NRXN3: variants seen among roughly 807,000 people sequenced by gnomAD.
NRXN3 encodes neurexin 3, also known as neurexin III.
NRXN3 carries 32 observed loss-of-function variants against 137.6 expected under a neutral mutation model. That is an observed-to-expected ratio of 0.23 (90% CI 0.18 to 0.31). The LOEUF is 0.31. Among genes scored for constraint, NRXN3 ranks in the 10% least tolerant of loss-of-function variants. The pLI is 1.00. For synonymous variants in NRXN3, 798 were observed against 784.5 expected, an observed-to-expected ratio of 1.02 and a Z score of -0.29; for missense variants, 1,574 against 2,062.5, an observed-to-expected ratio of 0.76 and a Z score of 4.59.
intron 15 of NRXN3, among the ~76,000 whole-genome samples, chr14:79,177,987 C>CA (rs1450910693): frequency 6.6e-6 from 1 of 151,938 alleles, no homozygotes; most frequent in Non-Finnish European, 1.5e-5. Context: ...ACTTTTTGAC[C>CA]AAAAAAATGG....
chr14:78,241,255 C>A (rs1429272314), intron 1 of NRXN3, among the ~76,000 whole-genome samples: 1 of 152,162 alleles, frequency 6.6e-6, no homozygotes, highest in Non-Finnish European at 1.5e-5. Context: ...CACAGACATA[C>A]ACAAATAACC....
At chr14:79,030,732 T>C (rs943786942) in intron 15 of NRXN3, among the ~76,000 whole-genome samples, 1 of 150,714 alleles carries the variant, frequency 6.6e-6, no homozygotes, top group African/African-American at 2.4e-5. Flanking sequence ...TCTGTCTTCC[T>C]GATTTCATTT....
At chr14:78,320,727 G>A (rs1041874127) in intron 4 of NRXN3, among the ~76,000 whole-genome samples, 1 of 152,198 alleles carries the variant, frequency 6.6e-6, no homozygotes, top group Non-Finnish European at 1.5e-5. Flanking sequence ...CTCAAGGAAT[G>A]TGTATCTGCA....
At chr14:79,124,673 G>A (rs996591806) in intron 15 of NRXN3, among the ~76,000 whole-genome samples, 1 of 152,166 alleles carries the variant, frequency 6.6e-6, no homozygotes, top group African/African-American at 2.4e-5. Flanking sequence ...GGGACTCTTA[G>A]GGGATGTATG....
intron 4 of NRXN3, among the ~76,000 whole-genome samples, chr14:78,498,900 G>A (rs573539151): frequency 2.0e-5 from 3 of 151,934 alleles, no homozygotes; most frequent in Admixed American, 6.6e-5. Context: ...AGTTGGGACT[G>A]CAGGCATGAA....
chr14:79,734,596 A>G (rs2098935527), intron 19 of NRXN3, among the ~76,000 whole-genome samples: 1 of 152,216 alleles, frequency 6.6e-6, no homozygotes, highest in Non-Finnish European at 1.5e-5. Flanking sequence ...AGTAGCAAAT[A>G]CAAGAAACAA....
intron 15 of NRXN3, among the ~76,000 whole-genome samples, chr14:79,252,016 T>G (rs1275211247): frequency 6.6e-6 from 1 of 152,146 alleles, no homozygotes; most frequent in African/African-American, 2.4e-5. Flanking sequence ...TCTTCCTATC[T>G]TCCCCAGGTT....
intron 10 of NRXN3, among the ~76,000 whole-genome samples, chr14:78,814,885 T>G (rs2098926974): frequency 6.6e-6 from 1 of 152,188 alleles, no homozygotes; most frequent in African/African-American, 2.4e-5. Context: ...TCAAGCCATG[T>G]GCAGTATGAA....
intron 15 of NRXN3, among the ~76,000 whole-genome samples, chr14:79,069,039 G>A (rs1239024031): frequency 6.6e-6 from 1 of 152,024 alleles, no homozygotes; most frequent in Non-Finnish European, 1.5e-5. Flanking sequence ...AAATGATATG[G>A]TTCCCACTGA....
chr14:79,030,167 C>A (rs980951260), intron 15 of NRXN3, among the ~76,000 whole-genome samples: 1 of 151,522 alleles, frequency 6.6e-6, no homozygotes, highest in Non-Finnish European at 1.5e-5. Context: ...AGGTGTGAGC[C>A]ACCACGCCTG....
chr14:79,193,512 TA>T (rs559850168), intron 15 of NRXN3, among the ~76,000 whole-genome samples: 273 of 152,354 alleles, frequency 1.8e-3, no homozygotes, highest in Non-Finnish European at 2.9e-3. Context: ...CTAAGCACAT[TA>T]AACTTACGTT....
At chr14:79,671,515 T>C (rs1266397183) in intron 17 of NRXN3, among the ~76,000 whole-genome samples, 1 of 152,092 alleles carries the variant, frequency 6.6e-6, no homozygotes. Flanking sequence ...AGCCTCTTTC[T>C]TTTTGCGATC....
intron 16 of NRXN3, among the ~76,000 whole-genome samples, chr14:79,617,988 A>G (rs545729473): frequency 5.0e-4 from 75 of 150,332 alleles, no homozygotes; most frequent in Non-Finnish European, 9.1e-4. Flanking sequence ...TAGGAAGAGA[A>G]AGAAAATGAA....
intron 15 of NRXN3, among the ~76,000 whole-genome samples, chr14:79,053,746 G>A (rs538580754): frequency 1.2e-4 from 18 of 151,940 alleles, no homozygotes; most frequent in Non-Finnish European, 2.1e-4. Context: ...AGAAAAGAGT[G>A]AGAGAGAGGC....
chr14:78,669,819 T>C (rs1439458246), intron 6 of NRXN3, among the ~76,000 whole-genome samples: 1 of 152,204 alleles, frequency 6.6e-6, no homozygotes, highest in East Asian at 1.9e-4. Flanking sequence ...ATCTTGGTTT[T>C]GGTGGGTTTT....
intron 17 of NRXN3, among the ~76,000 whole-genome samples, chr14:79,670,502 G>T (rs17109716): frequency 6.6e-6 from 1 of 151,876 alleles, no homozygotes; most frequent in Non-Finnish European, 1.5e-5. Flanking sequence ...GCATTTTCTC[G>T]CATTAAAACC....
chr14:79,123,767 C>T (rs549742338), intron 15 of NRXN3, among the ~76,000 whole-genome samples: 62 of 152,204 alleles, frequency 4.1e-4, no homozygotes, highest in Non-Finnish European at 6.6e-4. Flanking sequence ...GTGGAGATTA[C>T]GCTTAAAGTG....
intron 16 of NRXN3, among the ~76,000 whole-genome samples, chr14:79,496,898 A>G (rs1298298007): frequency 6.6e-6 from 1 of 152,206 alleles, no homozygotes; most frequent in Non-Finnish European, 1.5e-5. Context: ...TAGTAATAGC[A>G]GTGGATATGA....
At chr14:78,657,992 C>T (rs1469443962) in intron 6 of NRXN3, among the ~76,000 whole-genome samples, 8 of 152,164 alleles carry the variant, frequency 5.3e-5, no homozygotes, top group East Asian at 1.9e-4. Context: ...TCCCCATCTC[C>T]GTTCCGTTTT....
Sources: allele counts gnomAD v4.1 joint callset (sites outside exome capture counted in the v4.1 genomes callset), GRCh38; gene constraint gnomAD v4.1.1; transcripts MANE v1.5; gene names NCBI Gene and HGNC (gene_info 2026-07-23, HGNC 2026-07-21).